DMD: variants seen among roughly 807,000 people sequenced by gnomAD.
The protein encoded by DMD is mutant dystrophin.
Under a neutral mutation model 330.1 loss-of-function variants are expected in DMD, and 63 were observed. The observed-to-expected ratio is 0.19, with a 90% CI of 0.16 to 0.24. DMD has a LOEUF of 0.24. Among genes scored for constraint, DMD ranks in the 10% least tolerant of loss-of-function variants. The pLI is 1.00. For synonymous variants in DMD, 1,223 were observed against 959.8 expected (o/e 1.27, Z -5.07); for missense variants, 3,344 against 2,684.1 (o/e 1.25, Z -5.43).
chrX:32,029,389 A>G (rs1463936008), intron 44 of DMD, among the ~76,000 whole-genome samples: 1 of 111,632 alleles, frequency 9.0e-6, no homozygotes, highest in Non-Finnish European at 1.9e-5. Flanking sequence ...TCAACACCAT[A>G]GGCAATAAGA....
In DMD at chrX:32,969,660, C is replaced by T. The variant is rs1055897663; in HGVS notation, c.93+50479G>A. Among the ~76,000 whole-genome samples, 2 of 94,598 alleles carry T rather than the reference C, an allele frequency of 2.1e-5. 1 individual carries two copies. The highest frequency in any genetic ancestry group is 2.1e-4 in the Admixed American group (2 of 9,579). The allele number at this position is 94,598 out of a possible 115,157, so 82.1% of individuals were successfully genotyped here. The stretch of plus-strand genomic sequence containing the variant: ...AACAATTTGACATATATATAATAAA[C>T]TAGAACACATATGCACATATGTATG... On this transcript the variant is annotated intron_variant, in intron 2 of 78. Coordinates refer to ENST00000357033, the MANE Select transcript of DMD (RefSeq NM_004006.3).
At chrX:32,619,483 A>T (rs2057831604) in intron 11 of DMD, among the ~76,000 whole-genome samples, 1 of 112,010 alleles carries the variant, frequency 8.9e-6, no homozygotes, top group African/African-American at 3.2e-5. Context: ...TAAATATGTA[A>T]GGTAATGCAT....
chrX:32,718,597 T>G (rs1408269926), intron 7 of DMD, among the ~76,000 whole-genome samples: 5 of 112,384 alleles, frequency 4.4e-5, no homozygotes, highest in Non-Finnish European at 9.4e-5. Context: ...TTCTCAGGAC[T>G]TGGTAATGTA....
chrX:31,955,861 C>A (rs937630990), intron 45 of DMD, among the ~76,000 whole-genome samples: 1 of 111,924 alleles, frequency 8.9e-6, no homozygotes, highest in African/African-American at 3.2e-5. Flanking sequence ...TAGGTCTAAT[C>A]TGAAACTATA....
chrX:31,872,094 C>A (rs919600347), intron 48 of DMD, among the ~76,000 whole-genome samples: 6 of 106,424 alleles, frequency 5.6e-5, no homozygotes, highest in African/African-American at 6.8e-5. Flanking sequence ...CCCCTCCCCC[C>A]ACCTTGAACA....
intron 51 of DMD, among the ~76,000 whole-genome samples, chrX:31,735,733 A>C (rs1033444283): frequency 1.8e-5 from 2 of 111,957 alleles, no homozygotes; most frequent in Non-Finnish European, 3.8e-5. Context: ...AAACTAAAGC[A>C]AGCCACCAGG....
intron 61 of DMD, among the ~76,000 whole-genome samples, chrX:31,339,232 C>G (rs183078510): frequency 1.8e-4 from 20 of 111,476 alleles, no homozygotes; most frequent in Non-Finnish European, 1.1e-4. Context: ...TACTGTAAAG[C>G]AAATAAATCT....
intron 44 of DMD, among the ~76,000 whole-genome samples, chrX:32,005,623 G>A (rs2095656268): frequency 9.0e-6 from 1 of 110,875 alleles, no homozygotes; most frequent in East Asian, 2.8e-4. Flanking sequence ...GAGAACTACA[G>A]AGATGGGGGA....
At chrX:31,486,711 T>C (rs987295901) in intron 57 of DMD, among the ~76,000 whole-genome samples, 5 of 112,107 alleles carry the variant, frequency 4.5e-5, no homozygotes, top group Non-Finnish European at 9.4e-5. Flanking sequence ...TAGAACAAGA[T>C]GTTAACAGTC....
At chrX:32,202,640 G>A (rs1399516216) in intron 44 of DMD, among the ~76,000 whole-genome samples, 4 of 112,062 alleles carry the variant, frequency 3.6e-5, no homozygotes, top group Non-Finnish European at 7.5e-5. Context: ...GTGAGCCACC[G>A]CACCCAGCCC....
At chrX:31,288,692 C>T (rs2053422748) in intron 62 of DMD, among the ~76,000 whole-genome samples, 1 of 111,081 alleles carries the variant, frequency 9.0e-6, no homozygotes, top group Admixed American at 9.5e-5. Context: ...GAAGACGAAC[C>T]AAGAGATTTT....
intron 9 of DMD, among the ~76,000 whole-genome samples, chrX:32,685,694 G>C (rs1445951664): frequency 9.0e-6 from 1 of 111,632 alleles, no homozygotes; most frequent in Non-Finnish European, 1.9e-5. Context: ...ATCTGGATTT[G>C]CTACACATAA....
chrX:32,511,524 G>GAAAAA (rs67754841), intron 18 of DMD, among the ~76,000 whole-genome samples: 41 of 49,645 alleles, frequency 8.3e-4, no homozygotes, highest in Non-Finnish European at 1.1e-3. Context: ...TCCGTCTCGG[G>GAAAAA]AAAAAAAAAA....
intron 44 of DMD, among the ~76,000 whole-genome samples, chrX:32,085,637 T>C (rs1190121241): frequency 1.0e-5 from 1 of 95,319 alleles, no homozygotes; most frequent in East Asian, 3.5e-4. Flanking sequence ...TACACATATA[T>C]ACGTATATAT....
chrX:32,236,326 G>A (rs1397555381), intron 43 of DMD, among the ~76,000 whole-genome samples: 1 of 112,283 alleles, frequency 8.9e-6, no homozygotes, highest in East Asian at 2.8e-4. Flanking sequence ...AGTTTAACTA[G>A]ATTATTGCTA....
At chrX:32,836,877 G>A (rs2079685737) in intron 4 of DMD, among the ~76,000 whole-genome samples, 1 of 112,029 alleles carries the variant, frequency 8.9e-6, no homozygotes, top group African/African-American at 3.2e-5. Flanking sequence ...ATTTGTGTAT[G>A]TGGCAGGAAA....
intron 47 of DMD, among the ~76,000 whole-genome samples, chrX:31,885,611 CAAA>C (rs762289533): frequency 2.1e-4 from 11 of 52,322 alleles, no homozygotes; most frequent in South Asian, 1.1e-3. Flanking sequence ...CTCCGTCTCA[CAAA>C]AAAAAAAAAA....
intron 7 of DMD, among the ~76,000 whole-genome samples, chrX:32,770,771 A>G (rs1487413592): frequency 8.9e-6 from 1 of 111,886 alleles, no homozygotes; most frequent in Non-Finnish European, 1.9e-5. Context: ...TGAAGCTTAA[A>G]TTCTAGGACT....
chrX:32,917,163 C>G (rs747028188), intron 2 of DMD, among the ~76,000 whole-genome samples: 2 of 101,724 alleles, frequency 2.0e-5, no homozygotes, highest in Non-Finnish European at 4.0e-5. Context: ...GGCACTTCCC[C>G]CCCCCCCACA....
Sources: gnomAD v4.1 joint callset for allele counts (sites outside exome capture counted in the v4.1 genomes callset) on GRCh38, gnomAD v4.1.1 for gene constraint, MANE v1.5 for transcripts, NCBI Gene and HGNC (gene_info 2026-07-23, HGNC 2026-07-21) for gene names.